Variants in C1orf21 observed in about 807,000 individuals in gnomAD.
The protein encoded by C1orf21 is uncharacterized protein C1orf21.
A neutral mutation model predicts 18.7 loss-of-function variants in C1orf21; 3 were observed. The observed-to-expected ratio is 0.16, with a 90% confidence interval of 0.07 to 0.42. The LOEUF is 0.42. Ranked by LOEUF, C1orf21 falls within the 10% of genes least tolerant of loss-of-function variation. The probability of loss-of-function intolerance (pLI) is 0.99; values close to 1 mark genes in which losing one functional copy is unlikely to be tolerated. For missense variants in C1orf21, 104 were observed against 143.6 expected (o/e 0.72, Z 1.41); for synonymous variants, 41 against 46.4 (o/e 0.88, Z 0.47).
chr1:184,594,379 A>G (rs554938127), intron 4 of C1orf21, among the ~76,000 whole-genome samples: 2 of 152,320 alleles, frequency 1.3e-5, no homozygotes, highest in African/African-American at 4.8e-5. Context: ...AGTTGACATG[A>G]GACAGATTTA....
intron 1 of C1orf21, among the ~76,000 whole-genome samples, chr1:184,401,823 T>A (rs1487032851): frequency 1.3e-5 from 2 of 151,740 alleles, no homozygotes; most frequent in African/African-American, 4.8e-5. Context: ...AATATTTTTA[T>A]TTAACCTAAA....
At chr1:184,572,516 G>A (rs1026656773) in intron 3 of C1orf21, among the ~76,000 whole-genome samples, 1 of 152,176 alleles carries the variant, frequency 6.6e-6, no homozygotes, top group Admixed American at 6.5e-5. Flanking sequence ...AGAGAAATGG[G>A]ATAAAGTCTC....
At chr1:184,544,539 T>C (rs1355701140) in intron 3 of C1orf21, among the ~76,000 whole-genome samples, 5 of 152,226 alleles carry the variant, frequency 3.3e-5, no homozygotes, top group East Asian at 3.8e-4. Context: ...TGGCTCCTCA[T>C]TGGTAGATAA....
At chr1:184,580,781 C>T (rs923920567) in intron 3 of C1orf21, among the ~76,000 whole-genome samples, 1 of 152,176 alleles carries the variant, frequency 6.6e-6, no homozygotes, top group African/African-American at 2.4e-5. Context: ...GATATCTTAT[C>T]CTTAGTGCCT....
chr1:184,536,952 T>G (rs1304064836), intron 3 of C1orf21, among the ~76,000 whole-genome samples: 1 of 152,194 alleles, frequency 6.6e-6, no homozygotes, highest in Non-Finnish European at 1.5e-5. Flanking sequence ...AACTTTCTCA[T>G]CCAAGTTTCG....
intron 3 of C1orf21, among the ~76,000 whole-genome samples, chr1:184,553,990 G>A (rs1007224): frequency 0.54 from 82,222 of 152,030 alleles, 22,941 homozygotes; most frequent in African/African-American, 0.7. Flanking sequence ...AACCATTCCA[G>A]CAGTTTCTGC....
At chr1:184,559,143 G>A (rs1016055697) in intron 3 of C1orf21, among the ~76,000 whole-genome samples, 2 of 152,186 alleles carry the variant, frequency 1.3e-5, no homozygotes. Context: ...GTAATCTCCA[G>A]TGCTGGAGGT....
chr1:184,418,366 T>G (rs941413357), intron 1 of C1orf21, among the ~76,000 whole-genome samples: 1 of 152,174 alleles, frequency 6.6e-6, no homozygotes, highest in African/African-American at 2.4e-5. Flanking sequence ...TGTGCCACCA[T>G]GCCTGGCTAA....
intron 1 of C1orf21, among the ~76,000 whole-genome samples, chr1:184,440,551 C>CTTT (rs543152256): frequency 6.9e-5 from 10 of 145,090 alleles, no homozygotes; most frequent in African/African-American, 2.3e-4. Flanking sequence ...TGCACCTGGC[C>CTTT]TTTTTTTTTT....
chr1:184,504,351 G>A (rs1352263426), intron 2 of C1orf21, among the ~76,000 whole-genome samples: 1 of 152,010 alleles, frequency 6.6e-6, no homozygotes, highest in Non-Finnish European at 1.5e-5. Flanking sequence ...TTCTGCGCCA[G>A]GACCCTCTGG....
chr1:184,397,139 A>G (rs531244536), intron 1 of C1orf21, among the ~76,000 whole-genome samples: 1 of 152,324 alleles, frequency 6.6e-6, no homozygotes, highest in Non-Finnish European at 1.5e-5. Context: ...GTGTCTGTCA[A>G]AGAAAAGGGA....
Position 184,517,795 on chromosome 1 carries a change from C to G in C1orf21, c.189+10113C>G, listed in dbSNP as rs554843039. Reference sequence around the variant, plus strand: ...CAGATAAGATATACCCTTTCCTAGACAGTTTAATAAATACCATTTTAAAGC... The same window carrying G: ...CAGATAAGATATACCCTTTCCTAGAGAGTTTAATAAATACCATTTTAAAGC... On this transcript the variant is annotated intron_variant, in intron 3 of 5. Coordinates refer to ENST00000235307, the MANE Select transcript of C1orf21 (RefSeq NM_030806.4). Among the ~76,000 whole-genome samples, 9 of 152,244 alleles carry G rather than the reference C, an allele frequency of 5.9e-5. No individual in the cohort carries two copies. In the South Asian group the frequency reaches 1.9e-3, roughly 32 times the overall value.
intron 1 of C1orf21, among the ~76,000 whole-genome samples, chr1:184,418,062 G>A (rs1468277117): frequency 6.6e-6 from 1 of 152,162 alleles, no homozygotes; most frequent in African/African-American, 2.4e-5. Context: ...ATAAGTGAGT[G>A]ACTGGTTTGG....
At chr1:184,579,254 G>A (rs1194224329) in intron 3 of C1orf21, among the ~76,000 whole-genome samples, 1 of 144,464 alleles carries the variant, frequency 6.9e-6, no homozygotes, top group African/African-American at 2.6e-5. Flanking sequence ...GTTCCACCAT[G>A]TTAGCCAGGC....
intron 3 of C1orf21, among the ~76,000 whole-genome samples, chr1:184,581,440 A>AT (rs967587789): frequency 1.3e-5 from 2 of 152,002 alleles, no homozygotes; most frequent in African/African-American, 4.8e-5. Context: ...AAAAAAAAAA[A>AT]AAAATTAATA....
chr1:184,414,384 G>A (rs376882883), intron 1 of C1orf21, among the ~76,000 whole-genome samples: 5 of 152,054 alleles, frequency 3.3e-5, no homozygotes, highest in Non-Finnish European at 5.9e-5. Flanking sequence ...CTGCCTCGGC[G>A]TTTCAAAGTG....
At chr1:184,471,258 C>G (rs996865066) in intron 1 of C1orf21, among the ~76,000 whole-genome samples, 14 of 152,128 alleles carry the variant, frequency 9.2e-5, no homozygotes, top group Non-Finnish European at 1.5e-5. Context: ...AATAGGGGAT[C>G]TAAGCTGTGT....
chr1:184,556,936 G>A (rs1012395856), intron 3 of C1orf21, among the ~76,000 whole-genome samples: 25 of 152,116 alleles, frequency 1.6e-4, no homozygotes, highest in Admixed American at 1.6e-3. Flanking sequence ...TAACCTTTAT[G>A]TCATTTCCCC....
chr1:184,414,199 A>ATG (rs1017702866), intron 1 of C1orf21, among the ~76,000 whole-genome samples: 1 of 152,102 alleles, frequency 6.6e-6, no homozygotes, highest in Non-Finnish European at 1.5e-5. Flanking sequence ...GGGTACAACC[A>ATG]TGGCTCACCG....
Sources: allele counts gnomAD v4.1 joint callset (sites outside exome capture counted in the v4.1 genomes callset), GRCh38; gene constraint gnomAD v4.1.1; transcripts MANE v1.5; gene names NCBI Gene and HGNC (gene_info 2026-07-23, HGNC 2026-07-21).